The following RSPO2 variants were observed in gnomAD, a reference collection of about 807,000 sequenced individuals.
RSPO2 encodes R-spondin-2.
In RSPO2, 14 loss-of-function variants were observed where a neutral mutation model predicts 30.9. The observed-to-expected ratio is 0.45, with a 90% CI of 0.30 to 0.71. The LOEUF (loss-of-function observed/expected upper bound fraction) is 0.71. Among genes scored for constraint, RSPO2 ranks in the 30% least tolerant of loss-of-function variants. The pLI is 0.08. For missense variants in RSPO2, 264 were observed against 301.9 expected, an observed-to-expected ratio of 0.87 and a Z score of 0.93; for synonymous variants, 107 against 96.4, an observed-to-expected ratio of 1.11 and a Z score of -0.64.
chr8:107,986,661 G>C (rs1814646103), intron 3 of RSPO2, among the ~76,000 whole-genome samples: 1 of 152,140 alleles, frequency 6.6e-6, no homozygotes, highest in Non-Finnish European at 1.5e-5. Flanking sequence ...CCCACATTGA[G>C]TAATACATTA....
chr8:107,977,806 T>C (rs1476307328), intron 3 of RSPO2, among the ~76,000 whole-genome samples: 2 of 152,086 alleles, frequency 1.3e-5, no homozygotes, highest in African/African-American at 2.4e-5. Context: ...AACCATATAT[T>C]AGCATCCTGG....
At chr8:107,938,548 T>C (rs1812790749) in intron 5 of RSPO2, among the ~76,000 whole-genome samples, 1 of 152,064 alleles carries the variant, frequency 6.6e-6, no homozygotes. Context: ...CGATTAAAAA[T>C]TGGGTGGCTC....
rs181544623 is a variant in RSPO2 at position 108,070,156 on chromosome 8, G to A, written c.94+12389C>T. Among the ~76,000 whole-genome samples, 643 of 152,170 alleles carry A rather than the reference G, an allele frequency of 4.2e-3. 6 individuals carry two copies. Among genetic ancestry groups the A allele is most frequent in the African/African-American group, 0.015 (614 of 41,530 alleles). ...ACAATGATGCAGAAGCATATGGTGC[G>A]GAATCTCAAGAAGCAATTTTAGCTG... On this transcript the variant is annotated intron_variant, in intron 2 of 5. Coordinates refer to ENST00000276659, the MANE Select transcript of RSPO2 (RefSeq NM_178565.5).
chr8:107,980,037 C>A (rs1423719294), intron 3 of RSPO2, among the ~76,000 whole-genome samples: 1 of 152,196 alleles, frequency 6.6e-6, no homozygotes, highest in Non-Finnish European at 1.5e-5. Context: ...AAGTGACTCT[C>A]TGCTATGAGT....
chr8:107,939,066 T>C (rs1812804196), intron 5 of RSPO2, among the ~76,000 whole-genome samples: 1 of 152,060 alleles, frequency 6.6e-6, no homozygotes, highest in South Asian at 2.1e-4. Context: ...CTACAAAAGA[T>C]GAGGAAAGGG....
At chr8:108,047,800 A>C (rs1341322948) in intron 2 of RSPO2, among the ~76,000 whole-genome samples, 1 of 151,732 alleles carries the variant, frequency 6.6e-6, no homozygotes, top group African/African-American at 2.4e-5. Flanking sequence ...GCAGTGAACC[A>C]AGATCATGCC....
chr8:107,944,733 C>G (rs1302526177), intron 5 of RSPO2, among the ~76,000 whole-genome samples: 1 of 152,122 alleles, frequency 6.6e-6, no homozygotes, highest in Non-Finnish European at 1.5e-5. Flanking sequence ...ACTCTTTCAC[C>G]TCTCAGCACT....
At chr8:107,960,603 C>T (rs1347553321) in intron 4 of RSPO2, 71 bp downstream of exon 4, 2 of 1,347,432 alleles carry the variant, frequency 1.5e-6, no homozygotes, top group African/African-American at 2.9e-5. Context: ...ATATATCCAG[C>T]ATGCATATTT....
At chr8:107,959,104 A>C (rs991427863) in intron 4 of RSPO2, among the ~76,000 whole-genome samples, 8 of 152,336 alleles carry the variant, frequency 5.3e-5, no homozygotes, top group African/African-American at 1.9e-4. Flanking sequence ...GCTAGTTCTA[A>C]ATTTGCCTCC....
intron 5 of RSPO2, among the ~76,000 whole-genome samples, chr8:107,934,035 A>C (rs1199554086): frequency 6.6e-6 from 1 of 152,246 alleles, no homozygotes; most frequent in East Asian, 1.9e-4. Context: ...GAAATGAAGG[A>C]GGAATCCTCC....
chr8:107,967,137 A>G (rs929215090), intron 3 of RSPO2, among the ~76,000 whole-genome samples: 4 of 152,236 alleles, frequency 2.6e-5, no homozygotes, highest in Admixed American at 2.0e-4. Context: ...AGAAACCTCT[A>G]GAGATTTCTC....
chr8:108,065,370 C>A (rs1381139149), intron 2 of RSPO2, among the ~76,000 whole-genome samples: 1 of 151,566 alleles, frequency 6.6e-6, no homozygotes, highest in Non-Finnish European at 1.5e-5. Flanking sequence ...TGTCTTACTC[C>A]AGCAAGAGTT....
chr8:107,905,981 T>C (rs1811626967), intron 5 of RSPO2, among the ~76,000 whole-genome samples: 1 of 151,898 alleles, frequency 6.6e-6, no homozygotes, highest in Admixed American at 6.6e-5. Context: ...ATCTCACAAT[T>C]AAAACCTCCA....
chr8:107,919,958 C>T (rs925540041), intron 5 of RSPO2, among the ~76,000 whole-genome samples: 3 of 152,120 alleles, frequency 2.0e-5, no homozygotes, highest in Non-Finnish European at 2.9e-5. Context: ...TTTCACTGAA[C>T]AGCAAAGCTT....
chr8:107,903,008 T>A (rs1402648541), intron 5 of RSPO2, among the ~76,000 whole-genome samples: 1 of 152,078 alleles, frequency 6.6e-6, no homozygotes, highest in African/African-American at 2.4e-5. Flanking sequence ...AAGTTACAAC[T>A]ATTTAGTAAC....
intron 2 of RSPO2, among the ~76,000 whole-genome samples, chr8:108,049,864 A>T (rs1427335536): frequency 6.6e-6 from 1 of 152,186 alleles, no homozygotes; most frequent in Admixed American, 6.6e-5. Flanking sequence ...CAATAAACAT[A>T]CAACTGCATG....
At chr8:108,037,652 T>C (rs1319640998) in intron 2 of RSPO2, among the ~76,000 whole-genome samples, 1 of 152,216 alleles carries the variant, frequency 6.6e-6, no homozygotes, top group Admixed American at 6.5e-5. Flanking sequence ...TGTGAATGTC[T>C]AACTTCAAAG....
chr8:107,979,447 C>T (rs559082706), intron 3 of RSPO2, among the ~76,000 whole-genome samples: 23 of 152,210 alleles, frequency 1.5e-4, no homozygotes, highest in African/African-American at 5.3e-4. Context: ...AACCAAACAC[C>T]GTGTGTTCTC....
At position 108,057,144 on chromosome 8, in the gene RSPO2, T is replaced by C. The variant is rs549705875; in HGVS notation, c.94+25401A>G. Among the ~76,000 whole-genome samples the C allele has an allele frequency of 2.7e-5, 4 of 149,770 alleles. No individual in the cohort carries two copies. In the South Asian group the frequency reaches 6.4e-4, roughly 24 times the overall value. ...AGCATATTAATAATCTTGAAAACTTTTTAATACTGAAATGGTTAACTGCCC... is the reference window on the plus strand; with the variant it reads ...AGCATATTAATAATCTTGAAAACTTCTTAATACTGAAATGGTTAACTGCCC... On this transcript the variant is annotated intron_variant, in intron 2 of 5. Transcript: ENST00000276659.
Sources: allele counts gnomAD v4.1 joint callset (sites outside exome capture counted in the v4.1 genomes callset), GRCh38; gene constraint gnomAD v4.1.1; transcripts MANE v1.5; gene names NCBI Gene and HGNC (gene_info 2026-07-23, HGNC 2026-07-21).